STAU2: variants seen among roughly 807,000 people sequenced by gnomAD.
The protein encoded by STAU2 is staufen double-stranded RNA binding protein 2, also known as double-stranded RNA-binding protein Staufen homolog 2.
Under a neutral mutation model 65.9 loss-of-function variants are expected in STAU2, and 20 were observed. That is an observed-to-expected ratio of 0.30 (90% confidence interval 0.21 to 0.44). The LOEUF is 0.44. STAU2 is among the 20% of genes least tolerant of loss of function. The pLI, the probability that STAU2 is intolerant of heterozygous loss-of-function variation, is 1.00. For missense variants in STAU2, 558 were observed against 683.9 expected (o/e 0.82, Z 2.05); for synonymous variants, 232 against 233.9 (o/e 0.99, Z 0.07).
At chr8:73,703,729 C>A (rs1428485481) in intron 4 of STAU2, among the ~76,000 whole-genome samples, 2 of 152,134 alleles carry the variant, frequency 1.3e-5, no homozygotes, top group African/African-American at 4.8e-5. Flanking sequence ...TATATGATTA[C>A]ATTTATATAG....
chr8:73,424,257 G>A (rs548743849), intron 13 of STAU2, among the ~76,000 whole-genome samples: 2 of 141,332 alleles, frequency 1.4e-5, no homozygotes, highest in East Asian at 2.1e-4. Context: ...CTGGAGTGCA[G>A]TGGCACGATC....
chr8:73,507,110 A>G (rs557827668), intron 13 of STAU2, among the ~76,000 whole-genome samples: 13 of 152,256 alleles, frequency 8.5e-5, no homozygotes, highest in African/African-American at 2.9e-4. Flanking sequence ...AATCCCTGCT[A>G]ATGTTGATAA....
At chr8:73,741,304 C>CAAAAAAAA (rs761906073) in intron 1 of STAU2, among the ~76,000 whole-genome samples, 1 of 112,106 alleles carries the variant, frequency 8.9e-6, no homozygotes, top group African/African-American at 4.0e-5. Flanking sequence ...GACTCCGTCT[C>CAAAAAAAA]AAAAAAAAAA....
chr8:73,724,289 C>G (rs1403223503), intron 3 of STAU2, among the ~76,000 whole-genome samples: 1 of 152,106 alleles, frequency 6.6e-6, no homozygotes, highest in Non-Finnish European at 1.5e-5. Context: ...AAACACGATC[C>G]TTGTTACACC....
At chr8:73,685,019 T>C (rs1818693630) in intron 5 of STAU2, among the ~76,000 whole-genome samples, 1 of 152,034 alleles carries the variant, frequency 6.6e-6, no homozygotes. Flanking sequence ...ATGGGGGCGG[T>C]TTCCCCCTTG....
chr8:73,688,191 T>C lies in STAU2; in HGVS notation c.274+463A>G, dbSNP rs558479867. ...CTCTCACCTTCATTTTTTTTTTTTT[T>C]TTGAGATGGAGTTTCGCTCTTGTTG... On this transcript the variant is annotated intron_variant, in intron 5 of 14. Transcript: ENST00000524300. Among the ~76,000 whole-genome samples the C allele has an allele frequency of 3.3e-5, 5 of 151,722 alleles. No homozygotes were observed. In the East Asian group the frequency reaches 7.8e-4, roughly 24 times the overall value.
At chr8:73,497,731 G>T (rs1821501541) in intron 13 of STAU2, among the ~76,000 whole-genome samples, 1 of 151,772 alleles carries the variant, frequency 6.6e-6, no homozygotes, top group Admixed American at 6.6e-5. Flanking sequence ...AAACTTTACA[G>T]AAATTATATA....
At chr8:73,540,179 C>A (rs1465606515) in intron 13 of STAU2, among the ~76,000 whole-genome samples, 1 of 152,068 alleles carries the variant, frequency 6.6e-6, no homozygotes, top group African/African-American at 2.4e-5. Context: ...AATTAAAGAC[C>A]TGGGAATAAG....
chr8:73,424,417 T>C (rs1389292829), intron 13 of STAU2, among the ~76,000 whole-genome samples: 1 of 152,004 alleles, frequency 6.6e-6, no homozygotes, highest in Non-Finnish European at 1.5e-5. Context: ...GCCAGGCTGG[T>C]CTCGAACTCC....
intron 3 of STAU2, among the ~76,000 whole-genome samples, chr8:73,716,483 T>A (rs975705191): frequency 6.6e-6 from 1 of 152,248 alleles, no homozygotes; most frequent in Admixed American, 6.5e-5. Flanking sequence ...GGCCATGTTG[T>A]GCCTCCATCT....
intron 12 of STAU2, chr8:73,561,539 C>T (rs920509681): frequency 2.2e-6 from 1 of 454,910 alleles, no homozygotes; most frequent in Non-Finnish European, 4.4e-6. Flanking sequence ...TTATGATTTC[C>T]CTACGACAGA....
intron 13 of STAU2, among the ~76,000 whole-genome samples, chr8:73,536,653 C>T (rs991187465): frequency 6.6e-6 from 1 of 152,078 alleles, no homozygotes; most frequent in African/African-American, 2.4e-5. Flanking sequence ...GATGGGGCGT[C>T]GTACTCCTCC....
chr8:73,731,819 G>C (rs1806089817), intron 3 of STAU2, among the ~76,000 whole-genome samples: 2 of 151,888 alleles, frequency 1.3e-5, no homozygotes, highest in Non-Finnish European at 2.9e-5. Flanking sequence ...CACGTCTGTA[G>C]TCCCAGCTAC....
Position 73,726,505 on chromosome 8 carries a change from C to T in STAU2, c.-18+11779G>A, listed in dbSNP as rs549054126. Among the ~76,000 whole-genome samples the T allele has an allele frequency of 9.2e-5, 14 of 152,312 alleles. No homozygotes were observed. In the South Asian group the frequency reaches 2.9e-3, roughly 32 times the overall value. ...CCCTTCTCCTAGGATTCTAATTACACGTCTTAGGCCACTCGATATTTCCCA... is the reference window on the plus strand; with the variant it reads ...CCCTTCTCCTAGGATTCTAATTACATGTCTTAGGCCACTCGATATTTCCCA... On this transcript the variant is annotated intron_variant, in intron 3 of 14. Transcript: ENST00000524300.
Position 73,702,727 on chromosome 8 carries a change from T to C in STAU2, c.114+6305A>G, listed in dbSNP as rs141972678. ...ATAAAACAAACCCAATAAAAAATAA[T>C]GGGCAAAGATCTGAACAGACACTTC... is the stretch of plus-strand genomic sequence containing the variant. On this transcript the variant is annotated intron_variant, in intron 4 of 14. Transcript: ENST00000524300. Among the ~76,000 whole-genome samples, 519 of 152,086 alleles carry C rather than the reference T, an allele frequency of 3.4e-3. 2 individuals are homozygous for C. Among genetic ancestry groups the C allele is most frequent in the Non-Finnish European group, 5.3e-3 (363 of 67,984 alleles).
chr8:73,630,240 A>C (rs888565735), intron 6 of STAU2, among the ~76,000 whole-genome samples: 4 of 152,234 alleles, frequency 2.6e-5, no homozygotes, highest in African/African-American at 9.6e-5. Flanking sequence ...GCAGATACGC[A>C]AGGTATGCTT....
intron 13 of STAU2, among the ~76,000 whole-genome samples, chr8:73,494,730 A>G (rs1821313570): frequency 6.6e-6 from 1 of 151,754 alleles, no homozygotes. Flanking sequence ...AACATGGCTC[A>G]GAGCAGAGAC....
intron 13 of STAU2, among the ~76,000 whole-genome samples, chr8:73,466,895 G>C (rs956239826): frequency 6.6e-6 from 1 of 152,194 alleles, no homozygotes; most frequent in African/African-American, 2.4e-5. Context: ...TCCCAGTCTT[G>C]GCATGGCTCT....
chr8:73,582,711 G>A, intron 12 of STAU2, 59 bp downstream of exon 12: 1 of 1,486,372 alleles, frequency 6.7e-7, no homozygotes, highest in Non-Finnish European at 9.4e-7. Flanking sequence ...CCCAGTGACA[G>A]CTAGTCACTG....
Sources: gnomAD v4.1 joint callset for allele counts (sites outside exome capture counted in the v4.1 genomes callset) on GRCh38, gnomAD v4.1.1 for gene constraint, MANE v1.5 for transcripts, NCBI Gene and HGNC (gene_info 2026-07-23, HGNC 2026-07-21) for gene names.